The following ECE2 variants were observed in gnomAD, a reference collection of about 807,000 sequenced individuals.
ECE2 encodes the protein endothelin converting enzyme 2, also known as endothelin-converting enzyme 2.
ECE2 carries 81 observed loss-of-function variants against 100.6 expected under a neutral mutation model. The ratio of observed to expected loss-of-function variants is 0.81; its 90% CI spans 0.67 to 0.97. The LOEUF is 0.97. Ranked by LOEUF, ECE2 falls within the 50% of genes least tolerant of loss-of-function variation. The probability of loss-of-function intolerance (pLI) is 0.00; values close to 1 mark genes in which losing one functional copy is unlikely to be tolerated. For synonymous variants in ECE2, 391 were observed against 391.5 expected (o/e 1.00, Z 0.02); for missense variants, 911 against 988.1 (o/e 0.92, Z 1.05).
At position 184,291,655 on chromosome 3, in the gene ECE2, G is replaced by A. The variant is rs529583117; in HGVS notation, c.2121+216G>A. ...GAGGCCTGAGCGGGAGAATGCCTTG[G>A]TAGGATTTCGCATAGTTCAAAGGGC... is the stretch of plus-strand genomic sequence containing the variant. On this transcript the variant is annotated intron_variant, in intron 18 of 18. Transcript: ENST00000404464. This position sits in a 1 kb window ranked among gnomAD's most constrained non-coding sequence, Gnocchi z 4.1. The A allele has an allele frequency of 1.9e-6, 1 of 526,496 alleles. No homozygotes were observed. Among genetic ancestry groups the A allele is most frequent in the African/African-American group, 1.9e-5 (1 of 52,026 alleles). The allele number at this position is 526,496 out of a possible 1,614,324, so 32.6% of individuals were successfully genotyped here.
At chr3:184,283,302 T>C (rs536006213) in intron 7 of ECE2, among the ~76,000 whole-genome samples, 1 of 152,122 alleles carries the variant, frequency 6.6e-6, no homozygotes, top group East Asian at 1.9e-4. Context: ...GGCTCATGCC[T>C]GTAATCCCAG....
At position 184,292,360 on chromosome 3, in the gene ECE2, C is replaced by G. The variant is rs144884734; in HGVS notation, c.*122C>G. ...GCTGGGCTGGGTCTAGTCCCTCCCC[C>G]CCACAGGTGACATGAGTACAGACCC... On this transcript the variant is annotated 3_prime_UTR_variant, in exon 19 of 19. Transcript: ENST00000404464. 8.9e-4 allele frequency: 1,034 copies of G among 1,163,400 alleles called. 3 individuals are homozygous for G. In the African/African-American group the frequency reaches 0.013, roughly 15 times the overall value. 72.1% of individuals were successfully genotyped at this position (1,163,400 alleles called of 1,614,324 possible). A position where few individuals can be genotyped will look rare whatever the true frequency, so the allele number is the denominator to read the frequency against.
intron 5 of ECE2, 56 bp from the exon 6 acceptor site, chr3:184,278,111 C>T: frequency 6.2e-7 from 1 of 1,613,142 alleles, no homozygotes; most frequent in Non-Finnish European, 8.5e-7. Flanking sequence ...AGGAGATGGC[C>T]CAGGAACGCT....
rs1721194433 is a variant in ECE2, at chr3:184,289,170, TC to T, written c.1375-266del. 6.6e-6 allele frequency among the ~76,000 whole-genome samples: 1 copy of T among 151,124 alleles called. No individual in the cohort carries two copies. Among genetic ancestry groups the T allele is most frequent in the South Asian group, 2.1e-4 (1 of 4,784 alleles). On this transcript the variant is annotated intron_variant, in intron 11 of 18. Transcript: ENST00000404464. This position sits in a 1 kb window ranked among gnomAD's most constrained non-coding sequence, Gnocchi z 4.1. ...ACTCTGTCTCAAAAAAAAAAAAAAA[TC>T]ATTGCACTATATTAAATTATAATAT...
Position 184,287,927 on chromosome 3 carries a change from G to A in ECE2, c.1354G>A (p.Asp452Asn), listed in dbSNP as rs766417230. The change falls in exon 11 of 19, where the codon GAC becomes AAC. Residue 452 changes from aspartate to asparagine, a missense_variant. Transcript: ENST00000404464. The part of the protein sequence containing the change: ...LGSLFVKATF[D>N]RQSKEIAEGM... ...GTCCCTCTTCGTGAAGGCCACGTTT[G>A]ACCGGCAAAGCAAAGAAATTGTGAG... The A allele has an allele frequency of 5.6e-6, 9 of 1,614,078 alleles. No individual in the cohort carries two copies. The East Asian group carries it at 2.0e-4, about 36-fold the overall frequency.
chr3:184,276,109 G>A lies in ECE2; in HGVS notation c.-45G>A, dbSNP rs745577463. The stretch of plus-strand genomic sequence containing the variant: ...GACCGGGGCCGCGGCCCGGGAGCGG[G>A]CCAGCTGCCGGGAGCCCTGAATCAC... On this transcript the variant is annotated 5_prime_UTR_variant, in exon 1 of 19. Transcript: ENST00000404464. The A allele has an allele frequency of 1.2e-4, 152 of 1,292,898 alleles. No homozygotes were observed. The highest frequency in any genetic ancestry group is 9.7e-4 in the South Asian group (39 of 40,282). 80.1% of individuals were successfully genotyped at this position (1,292,898 alleles called of 1,614,324 possible). A position where few individuals can be genotyped will look rare whatever the true frequency, so the allele number is the denominator to read the frequency against.
chr3:184,276,781 G>C (rs779545432), intron 2 of ECE2, 111 bp from the exon 3 acceptor site: 13 of 1,563,900 alleles, frequency 8.3e-6, no homozygotes, highest in East Asian at 6.8e-5. Flanking sequence ...CATTGCCCCC[G>C]GGCCCAGAGT....
rs755790933 is a variant in ECE2 at position 184,289,764 on chromosome 3, G to A, written c.1551+46G>A. On this transcript the variant is annotated intron_variant, in intron 13 of 18. Transcript: ENST00000404464. This position sits in a 1 kb window ranked among gnomAD's most constrained non-coding sequence, Gnocchi z 4.1. ...GTACTGAACTTCAGCCCTGTAGAGG[G>A]CACTGTTCCCTGGGCTTAGAAATTG... 2.6e-6 allele frequency: 4 copies of A among 1,519,930 alleles called. No homozygotes were observed. Among genetic ancestry groups the A allele is most frequent in the Non-Finnish European group, 3.6e-6 (4 of 1,121,698 alleles). The allele number at this position is 1,519,930 out of a possible 1,614,324, so 94.2% of individuals were successfully genotyped here. A position where few individuals can be genotyped will look rare whatever the true frequency, so the allele number is the denominator to read the frequency against.
rs184760329 is a variant in ECE2 at position 184,288,232 on chromosome 3, C to T, written c.1374+285C>T. Among the ~76,000 whole-genome samples, 924 of 146,728 alleles carry T rather than the reference C, an allele frequency of 6.3e-3. 6 individuals carry two copies. The highest frequency in any genetic ancestry group is 0.023 in the African/African-American group (891 of 39,542). Reference sequence around the variant, plus strand: ...GGCTGAGGCAGGAGAATCACTTGAACCCAGGAGGCGGAGGTTGCAGTGAGC... The same window carrying T: ...GGCTGAGGCAGGAGAATCACTTGAATCCAGGAGGCGGAGGTTGCAGTGAGC... On this transcript the variant is annotated intron_variant, in intron 11 of 18. Coordinates refer to ENST00000404464, the MANE Select transcript of ECE2 (RefSeq NM_001100121.2).
chr3:184,284,614 C>G (rs1475021528), intron 8 of ECE2, among the ~76,000 whole-genome samples: 1 of 150,964 alleles, frequency 6.6e-6, no homozygotes, highest in Non-Finnish European at 1.5e-5. Flanking sequence ...GCCATTAACA[C>G]TTTAGATGTT....
rs752130641 is a variant in ECE2, at chr3:184,283,953, A to G, written c.985A>G (p.Met329Val). Reference protein sequence around the residue: ...RRDEEKIYHKMSISELQALAP... With the variant: ...RRDEEKIYHKVSISELQALAP... Reference sequence around the variant, plus strand: ...CGACGAGGAGAAGATCTACCACAAGATGAGCATTTCGGAGCTGCAGGTGGG... The same window carrying G: ...CGACGAGGAGAAGATCTACCACAAGGTGAGCATTTCGGAGCTGCAGGTGGG... The change falls in exon 8 of 19, where the codon ATG (methionine) becomes GTG (valine). Residue 329 changes from methionine (M) to valine (V), a missense_variant. By Grantham distance (21) the Met-to-Val change is conservative (BLOSUM62 1). Transcript: ENST00000404464. The G allele has an allele frequency of 3.7e-6, 6 of 1,613,830 alleles. No homozygotes were observed. The South Asian group carries it at 4.4e-5, about 12-fold the overall frequency.
chr3:184,279,762 G>A (rs1180943058), intron 7 of ECE2, among the ~76,000 whole-genome samples: 1 of 152,092 alleles, frequency 6.6e-6, no homozygotes, highest in Non-Finnish European at 1.5e-5. Flanking sequence ...TGAGAGGCTG[G>A]AGAGGTGGGC....
intron 5 of ECE2, 39 bp from the exon 6 acceptor site, chr3:184,278,128 G>C: frequency 6.2e-7 from 1 of 1,613,438 alleles, no homozygotes. Context: ...CGCTTTGGGA[G>C]CTCCTGCACT....
Position 184,289,096 on chromosome 3 carries a change from A to C in ECE2, c.1375-341A>C, listed in dbSNP as rs60766223. ...CTTGAACTCGGGAGGCGGAGGTTGCAGTGAGCCGAGATTGCGCCACTGCAC... is the reference window on the plus strand; with the variant it reads ...CTTGAACTCGGGAGGCGGAGGTTGCCGTGAGCCGAGATTGCGCCACTGCAC... On this transcript the variant is annotated intron_variant, in intron 11 of 18. Coordinates refer to ENST00000404464, the MANE Select transcript of ECE2 (RefSeq NM_001100121.2). This position sits in a 1 kb window ranked among gnomAD's most constrained non-coding sequence, Gnocchi z 4.1. Among the ~76,000 whole-genome samples, 157 of 151,996 alleles carry C rather than the reference A, an allele frequency of 1.0e-3. No homozygotes were observed. Among genetic ancestry groups the C allele is most frequent in the African/African-American group, 3.6e-3 (151 of 41,444 alleles).
intron 11 of ECE2, 34 bp downstream of exon 11, chr3:184,287,981 T>C (rs1279218801): frequency 6.3e-7 from 1 of 1,592,004 alleles, no homozygotes; most frequent in Non-Finnish European, 8.6e-7. Flanking sequence ...CACTATGCCC[T>C]CAAAATTGAC....
chr3:184,291,032 C>G lies in ECE2; in HGVS notation c.1835-8C>G, dbSNP rs746774695. The stretch of plus-strand genomic sequence containing the variant: ...TTTTGGTGGGGTGCAAAGGTGAGTT[C>G]TCCTCAGGGCGCGAGTATGACAAAG... On this transcript the variant is annotated splice_polypyrimidine_tract_variant and splice_region_variant and intron_variant, in intron 16 of 18. Coordinates refer to ENST00000404464, the MANE Select transcript of ECE2 (RefSeq NM_001100121.2). The surrounding 1 kb of genome is among the most constrained non-coding windows in gnomAD (Gnocchi z 4.1). 1 of 1,557,270 alleles carries G rather than the reference C, an allele frequency of 6.4e-7. No homozygotes were observed. The highest frequency in any genetic ancestry group is 1.9e-5 in the Admixed American group (1 of 52,298).
At position 184,284,681 on chromosome 3, in the gene ECE2, G is replaced by C. The variant is rs538196435; in HGVS notation, c.1006-282G>C. On this transcript the variant is annotated intron_variant, in intron 8 of 18. Transcript: ENST00000404464. The stretch of plus-strand genomic sequence containing the variant: ...TCTGGAGGAGAAGCCAGTACGTGCA[G>C]GGTGTTGGGAGTGGTATTTTATCAA... Among the ~76,000 whole-genome samples, 58 of 152,302 alleles carry C rather than the reference G, an allele frequency of 3.8e-4. 1 individual carries two copies. The South Asian group carries it at 0.012, about 31-fold the overall frequency.
At chr3:184,283,561 C>CAAAAAAAAAAAAAAAAA (rs35761542) in intron 7 of ECE2, among the ~76,000 whole-genome samples, 4 of 53,086 alleles carry the variant, frequency 7.5e-5, no homozygotes, top group Non-Finnish European at 1.3e-4. Context: ...GACTCCATCT[C>CAAAAAAAAAAAAAAAAA]AAAAAAAAAA....
chr3:184,290,724 G>A, intron 15 of ECE2, 57 bp downstream of exon 15: 2 of 1,612,730 alleles, frequency 1.2e-6, no homozygotes, highest in Non-Finnish European at 8.5e-7. Context: ...GTTGAGCTGG[G>A]AGCAGGGCTG....
Sources: gnomAD v4.1 joint callset for allele counts (sites outside exome capture counted in the v4.1 genomes callset) on GRCh38, gnomAD v4.1.1 for gene constraint, Gnocchi (gnomAD v3.1) non-coding constraint, MANE v1.5 for transcripts, NCBI Gene and HGNC (gene_info 2026-07-23, HGNC 2026-07-21) for gene names.